Variants in TBC1D1 observed in about 807,000 individuals in gnomAD.
The protein encoded by TBC1D1 is TBC1 (tre-2/USP6, BUB2, cdc16) domain family, member 1.
TBC1D1 carries 89 observed loss-of-function variants against 125.6 expected under a neutral mutation model. That is an observed-to-expected ratio of 0.71 (90% CI 0.60 to 0.85). TBC1D1 has a LOEUF of 0.85. Ranked by LOEUF, TBC1D1 falls within the 40% of genes least tolerant of loss-of-function variation. TBC1D1 has a pLI of 0.00. For synonymous variants in TBC1D1, 565 were observed against 564.1 expected (o/e 1.00, Z -0.02); for missense variants, 1,377 against 1,469.2 (o/e 0.94, Z 1.03).
intron 8 of TBC1D1, among the ~76,000 whole-genome samples, chr4:38,036,605 A>G (rs1196642858): frequency 2.0e-5 from 3 of 152,084 alleles, no homozygotes; most frequent in Non-Finnish European, 4.4e-5. Flanking sequence ...TTGCGTCTGG[A>G]CCCTAAACCA....
At chr4:38,054,873 T>C (rs748981708) in intron 12 of TBC1D1, 3 of 155,028 alleles carry the variant, frequency 1.9e-5, no homozygotes, top group Non-Finnish European at 4.3e-5. Context: ...GGGTGGGCTG[T>C]CCGCATGTGC....
chr4:37,908,941 G>C (rs1216903757), intron 2 of TBC1D1, among the ~76,000 whole-genome samples: 2 of 152,298 alleles, frequency 1.3e-5, no homozygotes, highest in Non-Finnish European at 2.9e-5. Context: ...AATGTCCTTT[G>C]ACAAAACGGG....
intron 12 of TBC1D1, among the ~76,000 whole-genome samples, chr4:38,056,830 A>G (rs561627570): frequency 6.6e-6 from 1 of 152,248 alleles, no homozygotes; most frequent in East Asian, 1.9e-4. Context: ...AGTCATGTCT[A>G]TACTTGAGAA....
At chr4:37,917,632 C>T (rs924407357) in intron 2 of TBC1D1, among the ~76,000 whole-genome samples, 2 of 152,134 alleles carry the variant, frequency 1.3e-5, no homozygotes, top group African/African-American at 4.8e-5. Context: ...GGGAATTGGA[C>T]TAACTGTGGA....
intron 12 of TBC1D1, among the ~76,000 whole-genome samples, chr4:38,076,237 C>A (rs1342105243): frequency 6.6e-6 from 1 of 152,100 alleles, no homozygotes; most frequent in East Asian, 1.9e-4. Context: ...GGGGGGAAAG[C>A]CCTTTATAAA....
intron 1 of TBC1D1, among the ~76,000 whole-genome samples, chr4:37,900,064 TGAGCC>T (rs1368115567): frequency 1.4e-5 from 2 of 144,468 alleles, no homozygotes. Flanking sequence ...GAGCTTGCAG[TGAGCC>T]GAGATCGCGC....
chr4:38,088,370 T>C (rs1319841069), intron 12 of TBC1D1, among the ~76,000 whole-genome samples: 2 of 152,230 alleles, frequency 1.3e-5, no homozygotes, highest in African/African-American at 4.8e-5. Context: ...TTTCTTAGTT[T>C]TTATTTTTAA....
At chr4:38,006,474 A>ATTTTTTTTTTTTTTTTTTTTTTTTTT (rs71190940) in intron 2 of TBC1D1, among the ~76,000 whole-genome samples, 1 of 101,388 alleles carries the variant, frequency 9.9e-6, no homozygotes, top group Non-Finnish European at 1.9e-5. Context: ...GACCAACACT[A>ATTTTTTTTTTTTTTTTTTTTTTTTTT]TTTTTTTTTT....
At chr4:38,091,514 T>C (rs947947950) in intron 13 of TBC1D1, among the ~76,000 whole-genome samples, 2 of 152,258 alleles carry the variant, frequency 1.3e-5, no homozygotes, top group South Asian at 2.1e-4. Context: ...ACAGCAGTTA[T>C]GTTCGTGTGT....
Position 38,049,746 on chromosome 4 carries a change from C to A in TBC1D1, c.1758C>A (p.Pro586=), listed in dbSNP as rs1362547643. 1.2e-6 allele frequency: 2 copies of A among 1,614,008 alleles called. No homozygotes were observed. Among genetic ancestry groups the A allele is most frequent in the Admixed American group, 1.7e-5 (1 of 60,002 alleles). ...CAGAAGAGCCAGCTCCGCTGTCGCC[C>A]CAGCAGGCCTTCAGGAGGCGAGCAA... is the stretch of plus-strand genomic sequence containing the variant. Residue 586 remains proline (P), a synonymous_variant, in exon 11 of 20, where the codon CCC becomes CCA. Transcript: ENST00000261439.
chr4:38,017,822 C>T (rs950568886), intron 3 of TBC1D1, among the ~76,000 whole-genome samples: 1 of 152,178 alleles, frequency 6.6e-6, no homozygotes, highest in African/African-American at 2.4e-5. Flanking sequence ...TATTGCAACA[C>T]AGCAGTCTCC....
intron 2 of TBC1D1, among the ~76,000 whole-genome samples, chr4:37,945,165 T>C (rs776733138): frequency 7.9e-5 from 12 of 152,024 alleles, no homozygotes; most frequent in Non-Finnish European, 1.5e-4. Context: ...ACCCAAATCA[T>C]CGCTCTTGGT....
chr4:38,113,754 A>T (rs560587271), intron 15 of TBC1D1, among the ~76,000 whole-genome samples: 3 of 152,328 alleles, frequency 2.0e-5, no homozygotes, highest in African/African-American at 7.2e-5. Flanking sequence ...CAGAAGCCAC[A>T]TGTGGCTGTT....
At chr4:37,966,669 A>G (rs567167455) in intron 2 of TBC1D1, among the ~76,000 whole-genome samples, 3 of 152,200 alleles carry the variant, frequency 2.0e-5, no homozygotes, top group Non-Finnish European at 4.4e-5. Context: ...TCTAGGATAC[A>G]TGTACGAAAC....
Position 38,044,344 on chromosome 4 carries a change from C to A in TBC1D1, c.1414-18C>A, listed in dbSNP as rs76368862. 4.4e-6 allele frequency: 7 copies of A among 1,588,914 alleles called. No individual in the cohort carries two copies. The highest frequency in any genetic ancestry group is 6.0e-6 in the Non-Finnish European group (7 of 1,173,006). On this transcript the variant is annotated intron_variant, in intron 8 of 19. Transcript: ENST00000261439. ...GAGAAGGGAGCGATAAATGACTTTT[C>A]GTTTTTCACTTTTTTAGACATCGCA...
At chr4:38,004,944 A>G (rs4144803) in intron 2 of TBC1D1, among the ~76,000 whole-genome samples, 88,506 of 151,636 alleles carry the variant, frequency 0.58, 26,824 homozygotes, top group East Asian at 0.89. Flanking sequence ...GCCAAGGCAA[A>G]ATGCCTCAGC....
Position 38,103,008 on chromosome 4 carries a change from G to T in TBC1D1, c.2408G>T (p.Arg803Leu), listed in dbSNP as rs144365137. The T allele has an allele frequency of 6.2e-7, 1 of 1,613,646 alleles. No homozygotes were observed. Among genetic ancestry groups the T allele is most frequent in the Non-Finnish European group, 8.5e-7 (1 of 1,179,876 alleles). Reference sequence around the variant, plus strand: ...TCTCTCCCTTTTAAAGGTGTGCCACGTCATCACCGAGGTGAAATCTGGAAA... The same window carrying T: ...TCTCTCCCTTTTAAAGGTGTGCCACTTCATCACCGAGGTGAAATCTGGAAA... Residue 803 changes from arginine to leucine, a missense_variant, in exon 15 of 20, where the codon CGT becomes CTT. Around this residue, in one of 3 missense-constraint regions of TBC1D1, gnomAD observed 543 missense variants for 613.5 expected, o/e 0.89. Coordinates refer to ENST00000261439, the MANE Select transcript of TBC1D1 (RefSeq NM_015173.4).
rs1298244535 is a variant in TBC1D1, at chr4:38,086,309, C to T, written c.2051-3623C>T. Among the ~76,000 whole-genome samples the T allele has an allele frequency of 7.2e-5, 11 of 152,112 alleles. No homozygotes were observed. The South Asian group carries it at 2.1e-3, about 29-fold the overall frequency. ...TAGAGGTGGTTTTGTTCCTCCTGAC[C>T]CCTAGGGGATATTTAGCAATGCCTA... On this transcript the variant is annotated intron_variant, in intron 12 of 19. Transcript: ENST00000261439.
At chr4:37,948,928 A>T (rs1203980465) in intron 2 of TBC1D1, among the ~76,000 whole-genome samples, 1 of 152,212 alleles carries the variant, frequency 6.6e-6, no homozygotes, top group Non-Finnish European at 1.5e-5. Context: ...AAGGTTCATC[A>T]TGTTGTAGCA....
Sources: gnomAD v4.1 joint callset for allele counts (sites outside exome capture counted in the v4.1 genomes callset) on GRCh38, gnomAD v4.1.1 for gene constraint, gnomAD v4.1.1 regional missense constraint, MANE v1.5 for transcripts, NCBI Gene and HGNC (gene_info 2026-07-23, HGNC 2026-07-21) for gene names.